LHFPL6: variants seen among roughly 807,000 people sequenced by gnomAD.
LHFPL6 encodes the protein LHFPL tetraspan subfamily member 6.
In LHFPL6, 9 loss-of-function variants were observed where a neutral mutation model predicts 20.6. That is an observed-to-expected ratio of 0.44 (90% CI 0.26 to 0.76). The LOEUF (loss-of-function observed/expected upper bound fraction) is 0.76, where lower values mean the gene tolerates loss of function less well. LHFPL6 is among the 30% of genes least tolerant of loss of function. The probability of loss-of-function intolerance (pLI) is 0.20; values close to 1 mark genes in which losing one functional copy is unlikely to be tolerated. For missense variants in LHFPL6, 218 were observed against 253.5 expected (o/e 0.86, Z 0.95); for synonymous variants, 105 against 98.7 (o/e 1.06, Z -0.38).
chr13:39,345,601 GGC>G (rs1306776620), intron 3 of LHFPL6, among the ~76,000 whole-genome samples: 1 of 149,808 alleles, frequency 6.7e-6, no homozygotes, highest in Non-Finnish European at 1.5e-5. Context: ...CCTGTTGCTT[GGC>G]AAGAGTGACA....
chr13:39,472,932 C>G (rs961857285), intron 2 of LHFPL6, among the ~76,000 whole-genome samples: 1 of 152,132 alleles, frequency 6.6e-6, no homozygotes, highest in African/African-American at 2.4e-5. Context: ...TAACAACAGG[C>G]CTTCACTAGT....
chr13:39,455,832 G>A (rs1872557023), intron 2 of LHFPL6, among the ~76,000 whole-genome samples: 1 of 152,108 alleles, frequency 6.6e-6, no homozygotes, highest in Non-Finnish European at 1.5e-5. Context: ...AGCCTATGTT[G>A]TTTACATGAA....
intron 2 of LHFPL6, among the ~76,000 whole-genome samples, chr13:39,449,809 A>G (rs569189900): frequency 3.3e-5 from 5 of 149,464 alleles, no homozygotes; most frequent in African/African-American, 1.2e-4. Flanking sequence ...TCAATGGTTA[A>G]GAGTTCAATG....
intron 2 of LHFPL6, among the ~76,000 whole-genome samples, chr13:39,390,308 C>A (rs142200841): frequency 1.3e-5 from 2 of 151,816 alleles, no homozygotes; most frequent in Admixed American, 1.3e-4. Context: ...CCAGCCTGGG[C>A]AACACAGCAA....
At chr13:39,592,264 A>G (rs1446301313) in intron 2 of LHFPL6, among the ~76,000 whole-genome samples, 1 of 152,206 alleles carries the variant, frequency 6.6e-6, no homozygotes, top group Non-Finnish European at 1.5e-5. Context: ...ACAATTTGGA[A>G]ACATCATTTA....
chr13:39,600,941 A>G lies in LHFPL6; in HGVS notation c.276T>C (p.Gly92=). Reference sequence around the variant, plus strand: ...GCGCCACCAGGAGGAGGAGGCCACAACCCAGGCCGGTCACTATGGTGCAGA... The same window carrying G: ...GCGCCACCAGGAGGAGGAGGCCACAGCCCAGGCCGGTCACTATGGTGCAGA... The part of the protein sequence containing the change: ...WRICTIVTGL[G]CGLLLLVALT... Residue 92 remains glycine, a synonymous_variant, in exon 2 of 4, where the codon GGT becomes GGC. Coordinates refer to ENST00000379589, the MANE Select transcript of LHFPL6 (RefSeq NM_005780.3). 6.2e-7 allele frequency: 1 copy of G among 1,607,552 alleles called. No homozygotes were observed. Among genetic ancestry groups the G allele is most frequent in the African/African-American group, 1.3e-5 (1 of 74,926 alleles).
At chr13:39,505,945 C>A (rs764458570) in intron 2 of LHFPL6, among the ~76,000 whole-genome samples, 1 of 152,120 alleles carries the variant, frequency 6.6e-6, no homozygotes, top group Non-Finnish European at 1.5e-5. Flanking sequence ...TTTCTCAGTC[C>A]TCATCATTTA....
At chr13:39,377,427 CT>C (rs1392665692) in intron 3 of LHFPL6, among the ~76,000 whole-genome samples, 3 of 151,990 alleles carry the variant, frequency 2.0e-5, no homozygotes, top group Non-Finnish European at 2.9e-5. Context: ...GGTTCATATT[CT>C]TTGATCTAGT....
At chr13:39,383,935 T>C (rs930676833) in intron 2 of LHFPL6, among the ~76,000 whole-genome samples, 34 of 152,210 alleles carry the variant, frequency 2.2e-4, no homozygotes, top group Admixed American at 1.3e-4. Flanking sequence ...CTTCTTTTGA[T>C]CCCAGCACTT....
At chr13:39,418,689 T>G (rs1410690955) in intron 2 of LHFPL6, among the ~76,000 whole-genome samples, 1 of 152,174 alleles carries the variant, frequency 6.6e-6, no homozygotes, top group Non-Finnish European at 1.5e-5. Flanking sequence ...GGTTGTGCAT[T>G]TTCTTCATTT....
intron 3 of LHFPL6, among the ~76,000 whole-genome samples, chr13:39,365,383 C>T (rs934134433): frequency 6.6e-6 from 1 of 152,226 alleles, no homozygotes; most frequent in Non-Finnish European, 1.5e-5. Context: ...CGGAACGGAA[C>T]TGCAGCAAGC....
At chr13:39,594,190 T>C (rs1488248534) in intron 2 of LHFPL6, among the ~76,000 whole-genome samples, 2 of 152,000 alleles carry the variant, frequency 1.3e-5, no homozygotes, top group East Asian at 3.9e-4. Context: ...ATCTACAAAA[T>C]GGGAGAAAAT....
chr13:39,542,002 A>G (rs1046018945), intron 2 of LHFPL6, among the ~76,000 whole-genome samples: 2 of 151,782 alleles, frequency 1.3e-5, no homozygotes, highest in Admixed American at 6.6e-5. Context: ...GAGGCAGGAG[A>G]ATGGCGTGAA....
Position 39,400,782 on chromosome 13 carries a change from C to CAAAAAAAAAAA in LHFPL6, c.386-22267_386-22257dup, listed in dbSNP as rs34833321. Among the ~76,000 whole-genome samples the CAAAAAAAAAAA allele has an allele frequency of 1.3e-4, 7 of 53,496 alleles. 1 individual carries two copies. The highest frequency in any genetic ancestry group is 5.3e-4 in the African/African-American group (6 of 11,318). 35.1% of individuals were successfully genotyped at this position (53,496 alleles called of 152,430 possible). A position where few individuals can be genotyped will look rare whatever the true frequency, so the allele number is the denominator to read the frequency against. On this transcript the variant is annotated intron_variant, in intron 2 of 3. Coordinates refer to ENST00000379589, the MANE Select transcript of LHFPL6 (RefSeq NM_005780.3). ...TGGGCGACAGAGCGAGACTCCGTCT[C>CAAAAAAAAAAA]AAAAAAAAAAAAAAAAAAAAAAAAA...
At chr13:39,537,980 C>T (rs951966677) in intron 2 of LHFPL6, among the ~76,000 whole-genome samples, 1 of 33,694 alleles carries the variant, frequency 3.0e-5, no homozygotes, top group African/African-American at 7.4e-5. Context: ...ATTTTTCTTT[C>T]TTTCTTTCTT....
intron 2 of LHFPL6, among the ~76,000 whole-genome samples, chr13:39,553,070 T>TGCAAAGA (rs1871188683): frequency 6.6e-6 from 1 of 152,306 alleles, no homozygotes; most frequent in Non-Finnish European, 1.5e-5. Flanking sequence ...TCAGGAACCC[T>TGCAAAGA]GCAAAGAGCA....
chr13:39,357,975 T>C (rs1869772147), intron 3 of LHFPL6, among the ~76,000 whole-genome samples: 4 of 152,138 alleles, frequency 2.6e-5, no homozygotes, highest in Admixed American at 6.6e-5. Context: ...ACCAACTTTG[T>C]AGGTTGGTAG....
At chr13:39,500,101 T>G (rs1869242040) in intron 2 of LHFPL6, among the ~76,000 whole-genome samples, 3 of 152,228 alleles carry the variant, frequency 2.0e-5, no homozygotes, top group Admixed American at 1.3e-4. Flanking sequence ...CCCAAGGTCC[T>G]GCCTCAGTAT....
chr13:39,540,275 C>T (rs1353461620), intron 2 of LHFPL6, among the ~76,000 whole-genome samples: 1 of 151,964 alleles, frequency 6.6e-6, no homozygotes, highest in Non-Finnish European at 1.5e-5. Context: ...GAAAAAATAC[C>T]ATATTAGAGT....
Sources: allele counts gnomAD v4.1 joint callset (sites outside exome capture counted in the v4.1 genomes callset), GRCh38; gene constraint gnomAD v4.1.1; transcripts MANE v1.5; gene names NCBI Gene and HGNC (gene_info 2026-07-23, HGNC 2026-07-21).